The following MGLL variants were observed in gnomAD, a reference collection of about 807,000 sequenced individuals.
MGLL encodes the protein lysophospholipase homolog.
MGLL carries 7 observed loss-of-function variants against 29.1 expected under a neutral mutation model. The observed-to-expected ratio is 0.24, with a 90% CI of 0.14 to 0.45. The LOEUF (loss-of-function observed/expected upper bound fraction) is 0.45, where lower values mean the gene tolerates loss of function less well. MGLL is among the 20% of genes least tolerant of loss of function. MGLL has a pLI of 0.99. For missense variants in MGLL, 356 were observed against 413.6 expected (o/e 0.86, Z 1.21); for synonymous variants, 148 against 168.3 (o/e 0.88, Z 0.93).
chr3:127,733,688 A>T (rs540415378), intron 3 of MGLL, among the ~76,000 whole-genome samples: 165 of 152,290 alleles, frequency 1.1e-3, no homozygotes, highest in Non-Finnish European at 2.0e-3. Flanking sequence ...TGCATTTTTT[A>T]AAAAATGGCC....
intron 3 of MGLL, among the ~76,000 whole-genome samples, chr3:127,778,074 G>A (rs1184527127): frequency 3.3e-5 from 5 of 152,156 alleles, no homozygotes; most frequent in Admixed American, 1.3e-4. Context: ...CCACAACCGC[G>A]GCGCCTAGAG....
chr3:127,822,506 C>T lies in MGLL; in HGVS notation c.-188G>A. 1 of 635,224 alleles carries T rather than the reference C, an allele frequency of 1.6e-6. No homozygotes were observed. The highest frequency in any genetic ancestry group is 2.8e-6 in the Non-Finnish European group (1 of 357,022). The allele number at this position is 635,224 out of a possible 1,614,324, so 39.3% of individuals were successfully genotyped here. On this transcript the variant is annotated 5_prime_UTR_variant, in exon 1 of 8. Transcript: ENST00000265052. ...GGAGCCTGCTTCCAGCTCCCACCGG[C>T]AGGCTCTCCGGGGCTCCCCTCCCTC...
In MGLL at chr3:127,739,084, C is replaced by T. The variant is rs547015003; in HGVS notation, c.263-16518G>A. On this transcript the variant is annotated intron_variant, in intron 3 of 7. Coordinates refer to ENST00000265052, the MANE Select transcript of MGLL (RefSeq NM_007283.7). ...CCTGCATCTTAAATGATACACACTG[C>T]ATCTCTGCTCTGATTGCAAAAGTAA... Among the ~76,000 whole-genome samples the T allele has an allele frequency of 1.0e-3, 154 of 152,336 alleles. 1 individual carries two copies. Among genetic ancestry groups the T allele is most frequent in the African/African-American group, 3.6e-3 (151 of 41,572 alleles).
intron 6 of MGLL, among the ~76,000 whole-genome samples, chr3:127,697,731 A>G (rs992807694): frequency 6.6e-6 from 1 of 152,116 alleles, no homozygotes; most frequent in African/African-American, 2.4e-5. Context: ...CCGTGTGGAC[A>G]AGGTTCGCCC....
chr3:127,813,288 A>G (rs1411170745), intron 2 of MGLL, among the ~76,000 whole-genome samples: 8 of 151,830 alleles, frequency 5.3e-5, no homozygotes. Flanking sequence ...TTCCTCCCAC[A>G]GTTTCTCCCC....
intron 3 of MGLL, among the ~76,000 whole-genome samples, chr3:127,750,373 T>A (rs2076535516): frequency 6.6e-6 from 1 of 152,186 alleles, no homozygotes; most frequent in Non-Finnish European, 1.5e-5. Context: ...TGCCTCTTCA[T>A]CTGCGCAGCC....
Position 127,781,912 on chromosome 3 carries a change from G to A in MGLL, c.156-17C>T, listed in dbSNP as rs769483480. The A allele has an allele frequency of 1.2e-6, 2 of 1,613,154 alleles. No homozygotes were observed. Among genetic ancestry groups the A allele is most frequent in the South Asian group, 2.2e-5 (2 of 91,064 alleles). On this transcript the variant is annotated splice_polypyrimidine_tract_variant and intron_variant, in intron 2 of 7. Coordinates refer to ENST00000265052, the MANE Select transcript of MGLL (RefSeq NM_007283.7). ...ATGAGGGCCCTGCAGAGACAAGAAG[G>A]GAGCCTGGTTAGGAAAGCCCACACG...
chr3:127,765,411 C>T (rs1459594433), intron 3 of MGLL, among the ~76,000 whole-genome samples: 1 of 152,174 alleles, frequency 6.6e-6, no homozygotes, highest in African/African-American at 2.4e-5. Context: ...ATTATCAGGC[C>T]GCTGGGCACT....
chr3:127,763,436 C>T (rs910305928), intron 3 of MGLL, among the ~76,000 whole-genome samples: 11 of 152,222 alleles, frequency 7.2e-5, no homozygotes, highest in East Asian at 5.8e-4. Flanking sequence ...TGTGGTAGCA[C>T]GGGCCCCTCA....
chr3:127,735,810 T>C (rs868162681), intron 3 of MGLL: 4 of 1,598,278 alleles, frequency 2.5e-6, no homozygotes, highest in Non-Finnish European at 3.4e-6. Flanking sequence ...GGCATTCTCT[T>C]GGTGCTCGCA....
intron 2 of MGLL, among the ~76,000 whole-genome samples, chr3:127,798,411 C>A (rs1209306087): frequency 6.6e-6 from 1 of 152,180 alleles, no homozygotes; most frequent in African/African-American, 2.4e-5. Context: ...CTCCGAAGTA[C>A]CCTGCTGGGA....
intron 2 of MGLL, among the ~76,000 whole-genome samples, chr3:127,785,879 T>C (rs1178170454): frequency 1.3e-5 from 2 of 151,466 alleles, no homozygotes; most frequent in Non-Finnish European, 2.9e-5. Flanking sequence ...CATGAGGGGG[T>C]CGACAGATAA....
intron 7 of MGLL, among the ~76,000 whole-genome samples, chr3:127,693,781 T>C (rs1293931999): frequency 3.9e-5 from 6 of 152,202 alleles, no homozygotes; most frequent in African/African-American, 1.4e-4. Flanking sequence ...GCCTGTCTTG[T>C]TCTCTGGGCC....
At chr3:127,815,343 T>C (rs1234912651) in intron 2 of MGLL, among the ~76,000 whole-genome samples, 1 of 152,162 alleles carries the variant, frequency 6.6e-6, no homozygotes, top group African/African-American at 2.4e-5. Context: ...TGAAGGAGAA[T>C]CCCACATTCC....
At chr3:127,811,422 T>A (rs2077660064) in intron 2 of MGLL, among the ~76,000 whole-genome samples, 1 of 152,248 alleles carries the variant, frequency 6.6e-6, no homozygotes, top group Admixed American at 6.5e-5. Context: ...CTGGAGAGTC[T>A]AGAGCTGGTA....
intron 3 of MGLL, among the ~76,000 whole-genome samples, chr3:127,760,289 G>C (rs1440793861): frequency 6.6e-6 from 1 of 152,190 alleles, no homozygotes; most frequent in Non-Finnish European, 1.5e-5. Context: ...GGTATAAAGA[G>C]TAGGCCAGGC....
At chr3:127,701,282 C>T (rs1040091225) in intron 6 of MGLL, among the ~76,000 whole-genome samples, 1 of 149,912 alleles carries the variant, frequency 6.7e-6, no homozygotes, top group Admixed American at 6.6e-5. Flanking sequence ...CGTCAATGTC[C>T]TGTGGAAGTT....
At chr3:127,709,152 T>G (rs1478225132) in intron 6 of MGLL, among the ~76,000 whole-genome samples, 2 of 152,248 alleles carry the variant, frequency 1.3e-5, no homozygotes, top group African/African-American at 4.8e-5. Context: ...TTTCACTGTA[T>G]GAATCTGCTT....
At position 127,793,492 on chromosome 3, in the gene MGLL, C is replaced by T. The variant is rs1398121459; in HGVS notation, c.156-11597G>A. Among the ~76,000 whole-genome samples the T allele has an allele frequency of 5.9e-5, 9 of 152,300 alleles. No homozygotes were observed. The South Asian group carries it at 1.7e-3, about 28-fold the overall frequency. ...CCCCATAATTAGAGAAGCTCTAGAT[C>T]CCACGGAATCTTTTCAGATGTCAGT... On this transcript the variant is annotated intron_variant, in intron 2 of 7. Transcript: ENST00000265052.
Sources: allele counts gnomAD v4.1 joint callset (sites outside exome capture counted in the v4.1 genomes callset), GRCh38; gene constraint gnomAD v4.1.1; transcripts MANE v1.5; gene names NCBI Gene and HGNC (gene_info 2026-07-23, HGNC 2026-07-21).